Variants in OR1J2 observed in about 807,000 individuals in gnomAD.
OR1J2 encodes the protein olfactory receptor 1J2.
For synonymous variants in OR1J2, 142 were observed against 99.7 expected (o/e 1.42, Z -2.52); for missense variants, 304 against 246.1 (o/e 1.24, Z -1.57).
chr9:122,575,040 G>C, the OR1J2 span, among the ~76,000 whole-genome samples: 5 of 152,028 alleles, frequency 3.3e-5, no homozygotes, highest in Non-Finnish European at 5.9e-5. Flanking sequence ...GCATACCTAG[G>C]ATAAATTAAA....
chr9:122,472,485 C>T, the OR1J2 span, among the ~76,000 whole-genome samples: 1 of 152,200 alleles, frequency 6.6e-6, no homozygotes, highest in African/African-American at 2.4e-5. Flanking sequence ...TGGCCAAAAG[C>T]CCTGCCTATA....
chr9:122,564,149 C>T, the OR1J2 span, among the ~76,000 whole-genome samples: 88,341 of 151,852 alleles, frequency 0.58, 26,193 homozygotes, highest in East Asian at 0.97. Context: ...CCAGGAGACA[C>T]GAAACATCAC....
the OR1J2 span, chr9:122,567,486 C>T: frequency 8.0e-7 from 1 of 1,253,378 alleles, no homozygotes; most frequent in Non-Finnish European, 1.1e-6. Context: ...TCACCAGAAA[C>T]CAGTAGAAAA....
chr9:122,465,289 G>A, the OR1J2 span, among the ~76,000 whole-genome samples: 1 of 152,124 alleles, frequency 6.6e-6, no homozygotes, highest in Admixed American at 6.6e-5. Context: ...CCGGTGCCAG[G>A]CACACTGTAA....
chr9:122,484,894 A>G, the OR1J2 span, among the ~76,000 whole-genome samples: 162 of 152,036 alleles, frequency 1.1e-3, 1 homozygote, highest in African/African-American at 3.8e-3. Context: ...ATTAGCCAGG[A>G]ATGGTGGTAT....
chr9:122,491,644 T>G, the OR1J2 span, among the ~76,000 whole-genome samples: 1 of 152,122 alleles, frequency 6.6e-6, no homozygotes, highest in Non-Finnish European at 1.5e-5. Context: ...TTAGTAATAA[T>G]GAGGATTTCG....
Position 122,511,739 on chromosome 9 carries a change from G to C in OR1J2, c.938G>C (p.Trp313Ser), listed in dbSNP as rs1171969583. Residue 313 changes from tryptophan to serine, a missense_variant, in exon 1 of 1, where the codon TGG (tryptophan) becomes TCG (serine). Trp to Ser is a radical substitution (Grantham distance 177). Coordinates refer to ENST00000335302, the MANE Select transcript of OR1J2 (RefSeq NM_054107.1). ...KLFSRATFFSW is the reference protein window; with the variant it reads ...KLFSRATFFSS ...TTCAGTAGAGCAACATTTTTCTCTT[G>C]GTGACATCTGACTTTTTAAAAAATT... 1 of 780,362 alleles carries C rather than the reference G, an allele frequency of 1.3e-6. No homozygotes were observed. Among genetic ancestry groups the C allele is most frequent in the Middle Eastern group, 2.4e-4 (1 of 4,236 alleles). The allele number at this position is 780,362 out of a possible 1,614,324, so 48.3% of individuals were successfully genotyped here.
At chr9:122,474,286 A>AT in the OR1J2 span, among the ~76,000 whole-genome samples, 45 of 152,224 alleles carry the variant, frequency 3.0e-4, no homozygotes, top group Admixed American at 2.9e-3. Flanking sequence ...TGCCTATGGA[A>AT]CAGACAAAAT....
At chr9:122,543,429 C>A in the OR1J2 span, among the ~76,000 whole-genome samples, 2 of 152,194 alleles carry the variant, frequency 1.3e-5, no homozygotes, top group Non-Finnish European at 2.9e-5. Context: ...TCTTGAACTC[C>A]TGTGCTCAAG....
At chr9:122,534,841 C>T in the OR1J2 span, among the ~76,000 whole-genome samples, 1 of 152,106 alleles carries the variant, frequency 6.6e-6, no homozygotes, top group Non-Finnish European at 1.5e-5. Flanking sequence ...CGTCAGGCAC[C>T]TCAGACCATT....
the OR1J2 span, chr9:122,567,926 A>C: frequency 1.2e-6 from 2 of 1,614,014 alleles, no homozygotes; most frequent in Admixed American, 1.7e-5. Context: ...ATTTCAGCAC[A>C]GGGCTGAGGT....
chr9:122,511,218 G>C lies in OR1J2; in HGVS notation c.417G>C (p.Glu139Asp), dbSNP rs763587854. 1.3e-6 allele frequency: 1 copy of C among 750,188 alleles called. No individual in the cohort carries two copies. Among genetic ancestry groups the C allele is most frequent in the Non-Finnish European group, 2.5e-6 (1 of 404,416 alleles). 46.5% of individuals were successfully genotyped at this position (750,188 alleles called of 1,614,324 possible). The change falls in exon 1 of 1, where the codon GAG (glutamate) becomes GAC (aspartate). Residue 139 changes from glutamate (E) to aspartate (D), a missense_variant. Coordinates refer to ENST00000335302, the MANE Select transcript of OR1J2 (RefSeq NM_054107.1). ...PLHYTVIMREELCVFLVAVSW... is the reference protein window; with the variant it reads ...PLHYTVIMREDLCVFLVAVSW... ...ACTACACTGTCATCATGAGGGAAGAGCTCTGTGTCTTCTTAGTGGCTGTAT... is the reference window on the plus strand; with the variant it reads ...ACTACACTGTCATCATGAGGGAAGACCTCTGTGTCTTCTTAGTGGCTGTAT...
At chr9:122,577,310 C>A in the OR1J2 span, among the ~76,000 whole-genome samples, 1 of 152,096 alleles carries the variant, frequency 6.6e-6, no homozygotes, top group Non-Finnish European at 1.5e-5. Context: ...TGGGTTGATC[C>A]TATTATTGTA....
At chr9:122,496,482 C>T in the OR1J2 span, among the ~76,000 whole-genome samples, 1 of 152,148 alleles carries the variant, frequency 6.6e-6, no homozygotes, top group Admixed American at 6.5e-5. Context: ...TCTGCTATGT[C>T]ATACAGGTAT....
the OR1J2 span, among the ~76,000 whole-genome samples, chr9:122,551,024 G>A: frequency 2.3e-3 from 349 of 149,292 alleles, no homozygotes; most frequent in Admixed American, 7.2e-3. Flanking sequence ...GATTCCTCCA[G>A]AAGACTCCTA....
At chr9:122,552,590 A>G in the OR1J2 span, among the ~76,000 whole-genome samples, 10,124 of 152,008 alleles carry the variant, frequency 0.067, 444 homozygotes, top group South Asian at 0.22. Flanking sequence ...ACGACACCAG[A>G]CACCTACTGC....
At chr9:122,502,675 C>CTTTTT in the OR1J2 span, among the ~76,000 whole-genome samples, 1 of 146,886 alleles carries the variant, frequency 6.8e-6, no homozygotes. Context: ...CAACATAGTA[C>CTTTTT]TTTTTTTTTT....
chr9:122,526,999 T>C, the OR1J2 span: 2 of 1,614,140 alleles, frequency 1.2e-6, no homozygotes, highest in African/African-American at 2.7e-5. Context: ...AAGAAATACA[T>C]TTGCGTGAGG....
chr9:122,571,897 G>A, the OR1J2 span, among the ~76,000 whole-genome samples: 1 of 152,058 alleles, frequency 6.6e-6, no homozygotes, highest in East Asian at 1.9e-4. Context: ...TTCTTACACT[G>A]CTATAAAGAA....
Sources: allele counts gnomAD v4.1 joint callset (sites outside exome capture counted in the v4.1 genomes callset), GRCh38; gene constraint gnomAD v4.1.1; transcripts MANE v1.5; gene names NCBI Gene and HGNC (gene_info 2026-07-23, HGNC 2026-07-21).